Variants in ZFR observed in about 807,000 individuals in gnomAD.
ZFR encodes zinc finger RNA binding protein, also known as zinc finger RNA-binding protein.
ZFR carries 19 observed loss-of-function variants against 130.7 expected under a neutral mutation model. The observed-to-expected ratio is 0.15, with a 90% confidence interval of 0.10 to 0.21. The LOEUF is 0.21. Ranked by LOEUF, ZFR falls within the 10% of genes least tolerant of loss-of-function variation. The pLI is 1.00. For synonymous variants in ZFR, 466 were observed against 456.9 expected, an observed-to-expected ratio of 1.02 and a Z score of -0.25; for missense variants, 872 against 1,321.5, an observed-to-expected ratio of 0.66 and a Z score of 5.27.
chr5:32,363,275 T>C (rs987784468), intron 19 of ZFR, among the ~76,000 whole-genome samples: 1 of 152,184 alleles, frequency 6.6e-6, no homozygotes, highest in African/African-American at 2.4e-5. Flanking sequence ...GTACCAATCT[T>C]AGGTTGATTT....
At chr5:32,378,695 AT>A (rs955149856) in intron 17 of ZFR, among the ~76,000 whole-genome samples, 42 of 151,880 alleles carry the variant, frequency 2.8e-4, no homozygotes, top group African/African-American at 7.0e-4. Flanking sequence ...TGAATCTCCT[AT>A]TTTTTTTGTA....
At chr5:32,369,584 T>A (rs1581680683) in intron 17 of ZFR, among the ~76,000 whole-genome samples, 1 of 151,972 alleles carries the variant, frequency 6.6e-6, no homozygotes, top group Non-Finnish European at 1.5e-5. Flanking sequence ...GTTGGGAGGA[T>A]CCCTTGGATC....
intron 19 of ZFR, among the ~76,000 whole-genome samples, chr5:32,357,327 G>T (rs533286891): frequency 6.6e-6 from 1 of 152,026 alleles, no homozygotes; most frequent in Non-Finnish European, 1.5e-5. Flanking sequence ...GTGCAGTGGC[G>T]CGATCTCAGC....
chr5:32,374,490 G>A lies in ZFR; in HGVS notation c.2835+4625C>T, dbSNP rs116744345. On this transcript the variant is annotated intron_variant, in intron 17 of 19. Coordinates refer to ENST00000265069, the MANE Select transcript of ZFR (RefSeq NM_016107.5). ...TGCACTCCAGGCTGGGGTACAGAGCGAGACTCCATTTCAAAAATAAATAAT... is the reference window on the plus strand; with the variant it reads ...TGCACTCCAGGCTGGGGTACAGAGCAAGACTCCATTTCAAAAATAAATAAT... 5.4e-3 allele frequency among the ~76,000 whole-genome samples: 824 copies of A among 152,056 alleles called. 4 individuals are homozygous for A. Among genetic ancestry groups the A allele is most frequent in the Non-Finnish European group, 7.8e-3 (530 of 67,990 alleles).
chr5:32,440,279 C>T (rs1368292692), intron 2 of ZFR, among the ~76,000 whole-genome samples: 1 of 152,194 alleles, frequency 6.6e-6, no homozygotes, highest in East Asian at 1.9e-4. Context: ...CTCAAATTAA[C>T]ATGCTATCAG....
intron 2 of ZFR, among the ~76,000 whole-genome samples, chr5:32,433,668 A>G (rs566295535): frequency 1.3e-5 from 2 of 152,336 alleles, no homozygotes; most frequent in East Asian, 3.9e-4. Context: ...GTTTAATCTA[A>G]TAACTCATTT....
At chr5:32,382,122 T>C (rs551127081) in intron 15 of ZFR, among the ~76,000 whole-genome samples, 1 of 152,144 alleles carries the variant, frequency 6.6e-6, no homozygotes, top group Admixed American at 6.5e-5. Flanking sequence ...GCCAACATGG[T>C]GAAACTCCAT....
intron 11 of ZFR, among the ~76,000 whole-genome samples, chr5:32,391,626 C>G (rs1190125484): frequency 3.3e-5 from 5 of 151,180 alleles, no homozygotes. Flanking sequence ...CAAGGGAAAC[C>G]ATGTGTCTAC....
chr5:32,363,257 G>C (rs764878720), intron 19 of ZFR, among the ~76,000 whole-genome samples: 13 of 152,070 alleles, frequency 8.5e-5, no homozygotes, highest in Admixed American at 2.6e-4. Flanking sequence ...AATCAACAAA[G>C]GGAAGCTGTA....
At chr5:32,367,056 C>T (rs192433284) in intron 17 of ZFR, among the ~76,000 whole-genome samples, 138 of 151,722 alleles carry the variant, frequency 9.1e-4, no homozygotes, top group African/African-American at 3.2e-3. Context: ...CTGCACTCCA[C>T]TGTAATATTT....
chr5:32,377,870 T>C (rs112777507), intron 17 of ZFR, among the ~76,000 whole-genome samples: 2,848 of 152,112 alleles, frequency 0.019, 83 homozygotes, highest in African/African-American at 0.066. Flanking sequence ...TGTTGTATTA[T>C]TAGTAGAGAC....
At chr5:32,418,259 CAAA>C (rs58214285) in intron 3 of ZFR, among the ~76,000 whole-genome samples, 7 of 132,014 alleles carry the variant, frequency 5.3e-5, no homozygotes, top group Non-Finnish European at 8.2e-5. Flanking sequence ...GATTCTGCCT[CAAA>C]AAAAAAAAAG....
intron 2 of ZFR, among the ~76,000 whole-genome samples, chr5:32,429,879 G>A (rs1286256901): frequency 6.6e-6 from 1 of 151,926 alleles, no homozygotes; most frequent in Non-Finnish European, 1.5e-5. Flanking sequence ...CACTAGGCTG[G>A]GTAATAAAGG....
chr5:32,432,829 C>CAT (rs1754253538), intron 2 of ZFR, among the ~76,000 whole-genome samples: 1 of 151,762 alleles, frequency 6.6e-6, no homozygotes, highest in Non-Finnish European at 1.5e-5. Context: ...CCCCAGCTCA[C>CAT]GTGATCCTCC....
chr5:32,355,622 A>G lies in ZFR; in HGVS notation c.*138T>C, dbSNP rs1198637123. On this transcript the variant is annotated 3_prime_UTR_variant, in exon 20 of 20. Coordinates refer to ENST00000265069, the MANE Select transcript of ZFR (RefSeq NM_016107.5). ...AATACCTAACACTGTACATTTTTTA[A>G]TATCATAGAAAAACTTGGTTCTTCC... The G allele has an allele frequency of 2.6e-6, 2 of 782,054 alleles. No individual in the cohort carries two copies. Among genetic ancestry groups the G allele is most frequent in the South Asian group, 2.5e-5 (1 of 39,990 alleles). 48.4% of individuals were successfully genotyped at this position (782,054 alleles called of 1,614,324 possible).
intron 2 of ZFR, among the ~76,000 whole-genome samples, chr5:32,424,184 A>T (rs1754016933): frequency 6.6e-6 from 1 of 152,226 alleles, no homozygotes; most frequent in African/African-American, 2.4e-5. Flanking sequence ...AGAAAAACAG[A>T]GGACTCGGCA....
chr5:32,370,140 TGGCC>T (rs895439019), intron 17 of ZFR, among the ~76,000 whole-genome samples: 1 of 149,818 alleles, frequency 6.7e-6, no homozygotes, highest in African/African-American at 2.5e-5. Context: ...GTGCCCAGGC[TGGCC>T]TCAAAATCCT....
intron 2 of ZFR, among the ~76,000 whole-genome samples, chr5:32,434,115 T>C (rs548508952): frequency 7.2e-5 from 11 of 152,318 alleles, no homozygotes; most frequent in Non-Finnish European, 1.3e-4. Context: ...AGTATCTGCT[T>C]AGCAAAATAG....
Position 32,395,203 on chromosome 5 carries a change from G to A in ZFR, c.1935C>T (p.Tyr645=), listed in dbSNP as rs776781075. ...KMRKQMQKEE[Y]WRRREEEERW... is the part of the protein sequence containing the mutation. ...GCTCCTCTTCTTCTCGTCTTCGCCA[G>A]TACTCCTCCTTCTGCATTTGCTTCC... is the stretch of plus-strand genomic sequence containing the variant. The change falls in exon 11 of 20, where the codon TAC becomes TAT. Residue 645 remains tyrosine, a synonymous_variant. Coordinates refer to ENST00000265069, the MANE Select transcript of ZFR (RefSeq NM_016107.5). 1 of 1,609,872 alleles carries A rather than the reference G, an allele frequency of 6.2e-7. No individual in the cohort carries two copies. The highest frequency in any genetic ancestry group is 8.5e-7 in the Non-Finnish European group (1 of 1,177,882).
Sources: allele counts gnomAD v4.1 joint callset (sites outside exome capture counted in the v4.1 genomes callset), GRCh38; gene constraint gnomAD v4.1.1; transcripts MANE v1.5; gene names NCBI Gene and HGNC (gene_info 2026-07-23, HGNC 2026-07-21).